Variants in CLCN3 observed in about 807,000 individuals in gnomAD.
CLCN3 encodes the protein Cl-/H+ antiporter 3.
In CLCN3, 16 loss-of-function variants were observed where a neutral mutation model predicts 83.4. That is an observed-to-expected ratio of 0.19 (90% confidence interval 0.13 to 0.29). The LOEUF (loss-of-function observed/expected upper bound fraction) is 0.29, where lower values mean the gene tolerates loss of function less well. Among genes scored for constraint, CLCN3 ranks in the 10% least tolerant of loss-of-function variants. CLCN3 has a pLI of 1.00. For synonymous variants in CLCN3, 322 were observed against 346.2 expected, an observed-to-expected ratio of 0.93 and a Z score of 0.78; for missense variants, 544 against 1,006.0, an observed-to-expected ratio of 0.54 and a Z score of 6.21.
At chr4:169,697,067 A>C in intron 8 of CLCN3, 122 bp from the exon 9 acceptor site, 1 of 653,032 alleles carries the variant, frequency 1.5e-6, no homozygotes, top group Non-Finnish European at 2.5e-6. Context: ...AAAATCCATT[A>C]CATGTAAATT....
At chr4:169,679,887 C>T (rs77300125) in intron 2 of CLCN3, among the ~76,000 whole-genome samples, 163 bp from the exon 3 acceptor site, 100 of 121,426 alleles carry the variant, frequency 8.2e-4, no homozygotes, top group Middle Eastern at 4.1e-3. Flanking sequence ...AGGCGGGAGT[C>T]GGAGACGAGG....
chr4:169,627,260 T>C (rs1296470660), intron 1 of CLCN3, among the ~76,000 whole-genome samples: 1 of 152,216 alleles, frequency 6.6e-6, no homozygotes, highest in Admixed American at 6.5e-5. Context: ...CTGTTGCGCA[T>C]ACTTTTTTTG....
intron 3 of CLCN3, among the ~76,000 whole-genome samples, chr4:169,681,370 T>C (rs1332594355): frequency 6.6e-6 from 1 of 152,226 alleles, no homozygotes; most frequent in Non-Finnish European, 1.5e-5. Flanking sequence ...ATAATTTTGG[T>C]GTTGGAAATT....
chr4:169,687,647 T>A lies in CLCN3; in HGVS notation c.319-11T>A. ...GTTGGAAAAATGAAGCATAAACATT[T>A]CTAATTTCAGATCAACAGCAAAAAG... On this transcript the variant is annotated splice_polypyrimidine_tract_variant and intron_variant, in intron 3 of 12. Coordinates refer to ENST00000513761, the MANE Select transcript of CLCN3 (RefSeq NM_001829.4). 6.3e-7 allele frequency: 1 copy of A among 1,579,876 alleles called. No homozygotes were observed. The highest frequency in any genetic ancestry group is 8.7e-7 in the Non-Finnish European group (1 of 1,154,330).
intron 2 of CLCN3, among the ~76,000 whole-genome samples, chr4:169,647,047 A>G (rs868493874): frequency 5.9e-5 from 9 of 152,162 alleles, no homozygotes; most frequent in Middle Eastern, 3.2e-3. Flanking sequence ...CAAACAGACT[A>G]CCTACATCAT....
intron 11 of CLCN3, among the ~76,000 whole-genome samples, chr4:169,708,833 T>TA (rs1553973190): frequency 6.6e-6 from 1 of 152,012 alleles, no homozygotes; most frequent in Non-Finnish European, 1.5e-5. Flanking sequence ...TCAGAAATGT[T>TA]AGTCACATGA....
intron 3 of CLCN3, 46 bp from the exon 4 acceptor site, chr4:169,687,612 T>A: frequency 7.9e-7 from 1 of 1,269,260 alleles, no homozygotes; most frequent in Non-Finnish European, 1.1e-6. Context: ...AACTGTGGCT[T>A]CTATTCATAG....
intron 2 of CLCN3, among the ~76,000 whole-genome samples, chr4:169,677,144 T>TA (rs1731712153): frequency 6.6e-6 from 1 of 151,918 alleles, no homozygotes; most frequent in Admixed American, 6.6e-5. Context: ...TGTTATATTA[T>TA]AAAAATATTA....
At chr4:169,710,619 C>T (rs188346022) in intron 11 of CLCN3, among the ~76,000 whole-genome samples, 2 of 152,262 alleles carry the variant, frequency 1.3e-5, no homozygotes, top group African/African-American at 4.8e-5. Context: ...TGAATGTTCA[C>T]TTCTGGTACT....
chr4:169,652,145 A>G (rs17055075), intron 2 of CLCN3, among the ~76,000 whole-genome samples: 11,447 of 152,256 alleles, frequency 0.075, 484 homozygotes, highest in African/African-American at 0.12. Context: ...GGTTAAGACA[A>G]TAAAGCATAA....
intron 2 of CLCN3, among the ~76,000 whole-genome samples, chr4:169,652,673 G>A (rs1255430941): frequency 1.3e-5 from 2 of 152,074 alleles, no homozygotes; most frequent in Non-Finnish European, 2.9e-5. Flanking sequence ...GAACTTGTTG[G>A]GTCATAGGTC....
chr4:169,707,144 C>T lies in CLCN3; in HGVS notation c.2027C>T (p.Thr676Ile). The T allele has an allele frequency of 6.2e-7, 1 of 1,613,998 alleles. No individual in the cohort carries two copies. Among genetic ancestry groups the T allele is most frequent in the African/African-American group, 1.3e-5 (1 of 75,018 alleles). Residue 676 changes from threonine (T) to isoleucine (I), a missense_variant, in exon 11 of 13, where the codon ACA becomes ATA. Transcript: ENST00000513761. ...GCTGTCCTGACACAGGACAATATGACAGTGGATGATATAGAAAACATGATT... is the reference window on the plus strand; with the variant it reads ...GCTGTCCTGACACAGGACAATATGATAGTGGATGATATAGAAAACATGATT... ...PLAVLTQDNM[T>I]VDDIENMINE...
At chr4:169,699,881 CA>C (rs1311310889) in intron 9 of CLCN3, among the ~76,000 whole-genome samples, 2 of 151,890 alleles carry the variant, frequency 1.3e-5, no homozygotes, top group African/African-American at 2.4e-5. Context: ...GACACTGTCT[CA>C]AAAAATAATA....
In CLCN3 at chr4:169,632,873, T is replaced by TA. The variant is rs1425357240; in HGVS notation, c.-16-3039dup. Among the ~76,000 whole-genome samples the TA allele has an allele frequency of 2.6e-5, 4 of 152,196 alleles. No individual in the cohort carries two copies. The East Asian group carries it at 7.7e-4, about 29-fold the overall frequency. The stretch of plus-strand genomic sequence containing the variant: ...AATGGAGAGAGATTATGAGCAAACT[T>TA]ACTTTTTGGAAAAAAAAACTGTGCT... On this transcript the variant is annotated intron_variant, in intron 1 of 12. Coordinates refer to ENST00000513761, the MANE Select transcript of CLCN3 (RefSeq NM_001829.4).
intron 11 of CLCN3, among the ~76,000 whole-genome samples, chr4:169,712,180 A>G (rs535251837): frequency 6.6e-6 from 1 of 152,098 alleles, no homozygotes; most frequent in Non-Finnish European, 1.5e-5. Flanking sequence ...TTTCACTATA[A>G]CAAATATCAT....
intron 1 of CLCN3, among the ~76,000 whole-genome samples, chr4:169,625,160 T>TA (rs1773201011): frequency 6.6e-6 from 1 of 152,252 alleles, no homozygotes; most frequent in African/African-American, 2.4e-5. Flanking sequence ...AAATGCTCCT[T>TA]ACATACAAAT....
At position 169,721,871 on chromosome 4, in the gene CLCN3, GTGGGGCATGGTCT is replaced by G. The variant is rs1487467707; in HGVS notation, c.*1878_*1890del. The G allele has an allele frequency of 1.3e-5, 2 of 152,092 alleles. No homozygotes were observed. The highest frequency in any genetic ancestry group is 4.8e-5 in the African/African-American group (2 of 41,400). 9.4% of individuals were successfully genotyped at this position (152,092 alleles called of 1,614,324 possible). ...TTTCTTTTTTTTTGGCTGGAGTGCAGTGGGGCATGGTCTTGGCTCACTGCAGCGTTGACCACCT... is the reference window on the plus strand; with the variant it reads ...TTTCTTTTTTTTTGGCTGGAGTGCAGTGGCTCACTGCAGCGTTGACCACCT... On this transcript the variant is annotated 3_prime_UTR_variant, in exon 13 of 13. Transcript: ENST00000513761.
At position 169,723,053 on chromosome 4, in the gene CLCN3, T is replaced by A. The variant is rs1488047479; in HGVS notation, c.*3056T>A. 6.6e-6 allele frequency: 1 copy of A among 152,222 alleles called. No individual in the cohort carries two copies. The highest frequency in any genetic ancestry group is 1.5e-5 in the Non-Finnish European group (1 of 68,046). 9.4% of individuals were successfully genotyped at this position (152,222 alleles called of 1,614,324 possible). ...TTTTGGTTCACGAAGAATGCTTAGT[T>A]AATCTGTAATGTTGCCTAGAGCTGT... is the stretch of plus-strand genomic sequence containing the variant. On this transcript the variant is annotated 3_prime_UTR_variant, in exon 13 of 13. Coordinates refer to ENST00000513761, the MANE Select transcript of CLCN3 (RefSeq NM_001829.4).
At chr4:169,710,350 G>A (rs1476370979) in intron 11 of CLCN3, among the ~76,000 whole-genome samples, 3 of 152,046 alleles carry the variant, frequency 2.0e-5, no homozygotes, top group South Asian at 2.1e-4. Context: ...CTTGATCCTC[G>A]ACTTCCCTGG....
Sources: allele counts gnomAD v4.1 joint callset (sites outside exome capture counted in the v4.1 genomes callset), GRCh38; gene constraint gnomAD v4.1.1; transcripts MANE v1.5; gene names NCBI Gene and HGNC (gene_info 2026-07-23, HGNC 2026-07-21).